JAZF1: variants seen among roughly 807,000 people sequenced by gnomAD.
JAZF1 encodes juxtaposed with another zinc finger protein 1.
JAZF1 carries 8 observed loss-of-function variants against 26.4 expected under a neutral mutation model. The ratio of observed to expected loss-of-function variants is 0.30; its 90% confidence interval spans 0.18 to 0.55. The LOEUF (loss-of-function observed/expected upper bound fraction) is 0.55. Among genes scored for constraint, JAZF1 ranks in the 20% least tolerant of loss-of-function variants. JAZF1 has a pLI of 0.94. For synonymous variants in JAZF1, 126 were observed against 122.3 expected, an observed-to-expected ratio of 1.03 and a Z score of -0.20; for missense variants, 199 against 322.0, an observed-to-expected ratio of 0.62 and a Z score of 2.92.
At chr7:28,112,748 G>A (rs993876750) in intron 1 of JAZF1, among the ~76,000 whole-genome samples, 1 of 152,186 alleles carries the variant, frequency 6.6e-6, no homozygotes, top group Non-Finnish European at 1.5e-5. Context: ...TGGGAGGCAG[G>A]GGAGGAAGGG....
chr7:28,056,452 ACACACACACACACACACACACAC>A (rs1159030820), intron 1 of JAZF1, among the ~76,000 whole-genome samples: 4 of 145,108 alleles, frequency 2.8e-5, no homozygotes, highest in Non-Finnish European at 6.1e-5. Context: ...ACACACACAC[ACACACACACACACACACACACAC>A]AATAAGAAAG....
intron 1 of JAZF1, among the ~76,000 whole-genome samples, chr7:28,095,126 C>T (rs1009086524): frequency 1.3e-5 from 2 of 152,140 alleles, no homozygotes; most frequent in African/African-American, 4.8e-5. Context: ...CATCTTATTC[C>T]CACAAGTCTT....
intron 1 of JAZF1, among the ~76,000 whole-genome samples, chr7:28,135,033 T>C (rs1782858413): frequency 6.6e-6 from 1 of 152,366 alleles, no homozygotes; most frequent in African/African-American, 2.4e-5. Context: ...CTATCCTGTT[T>C]GCAGTAGCAA....
intron 1 of JAZF1, among the ~76,000 whole-genome samples, chr7:28,108,611 C>G (rs546571006): frequency 6.6e-6 from 1 of 152,258 alleles, no homozygotes; most frequent in East Asian, 1.9e-4. Flanking sequence ...GGAATGTAAA[C>G]TGGTATAGCC....
At chr7:28,062,886 T>A (rs1783823047) in intron 1 of JAZF1, among the ~76,000 whole-genome samples, 1 of 152,246 alleles carries the variant, frequency 6.6e-6, no homozygotes, top group Non-Finnish European at 1.5e-5. Flanking sequence ...AATTCTCATT[T>A]CTGAATTCAT....
At chr7:27,892,939 T>C (rs1408016909) in intron 3 of JAZF1, among the ~76,000 whole-genome samples, 2 of 152,224 alleles carry the variant, frequency 1.3e-5, no homozygotes, top group African/African-American at 4.8e-5. Flanking sequence ...ATTAGTGACT[T>C]GCCCAAGGTG....
rs113748288 is a variant in JAZF1, at chr7:28,093,491, A to G, written c.115+86972T>C. On this transcript the variant is annotated intron_variant, in intron 1 of 4. Transcript: ENST00000283928. ...ATCAGCAGCGTTATCAGCAGCGTGA[A>G]AACAGACTACTACAATGTTGCAGAC... Among the ~76,000 whole-genome samples, 1,044 of 152,346 alleles carry G rather than the reference A, an allele frequency of 6.9e-3. 12 individuals are homozygous for G. The highest frequency in any genetic ancestry group is 0.024 in the African/African-American group (1,000 of 41,584).
At chr7:27,893,125 T>C (rs913783304) in intron 3 of JAZF1, among the ~76,000 whole-genome samples, 1 of 152,196 alleles carries the variant, frequency 6.6e-6, no homozygotes, top group African/African-American at 2.4e-5. Flanking sequence ...TTGGGAAATT[T>C]ACTAAATCCT....
At chr7:28,115,991 A>T (rs921615913) in intron 1 of JAZF1, among the ~76,000 whole-genome samples, 3 of 152,210 alleles carry the variant, frequency 2.0e-5, no homozygotes, top group African/African-American at 7.2e-5. Context: ...TGCTCTCTTT[A>T]AAATGCTGCA....
rs560786490 is a variant in JAZF1 at position 27,895,882 on chromosome 7, C to CT, written c.189-467dup. ...TCTAACATAAATGGCCTCATGAAAA[C>CT]TTTTTTTTTTAAATTTTTTGGTATT... is the stretch of plus-strand genomic sequence containing the variant. On this transcript the variant is annotated intron_variant, in intron 2 of 4. Transcript: ENST00000283928. Among the ~76,000 whole-genome samples the CT allele has an allele frequency of 9.8e-3, 1,472 of 150,496 alleles. 21 individuals are homozygous for CT. Among genetic ancestry groups the CT allele is most frequent in the African/African-American group, 0.033 (1,360 of 41,088 alleles).
chr7:28,103,233 A>T (rs1161288729), intron 1 of JAZF1, among the ~76,000 whole-genome samples: 2 of 151,966 alleles, frequency 1.3e-5, no homozygotes, highest in Non-Finnish European at 2.9e-5. Flanking sequence ...CCAAATGCCT[A>T]TCTTCAGTCC....
chr7:28,085,303 T>C (rs1784197148), intron 1 of JAZF1, among the ~76,000 whole-genome samples: 1 of 152,218 alleles, frequency 6.6e-6, no homozygotes, highest in South Asian at 2.1e-4. Context: ...TTCTGATATG[T>C]ACCATACCAT....
rs1346429475 is a variant in JAZF1, at chr7:28,087,439, TC to T, written c.115+93023del. On this transcript the variant is annotated intron_variant, in intron 1 of 4. Transcript: ENST00000283928. ...TTTGTCTAGGTGGTTTGGGGAATTT[TC>T]CTTTTTGTTTACTTCATTTTTGATA... Among the ~76,000 whole-genome samples, 5 of 152,320 alleles carry T rather than the reference TC, an allele frequency of 3.3e-5. No homozygotes were observed. In the East Asian group the frequency reaches 5.8e-4, roughly 18 times the overall value.
rs187760322 is a variant in JAZF1, at chr7:28,048,682, G to C, written c.116-56701C>G. Among the ~76,000 whole-genome samples the C allele has an allele frequency of 4.3e-3, 656 of 152,210 alleles. 16 individuals carry two copies. Among genetic ancestry groups the C allele is most frequent in the Non-Finnish European group, 5.9e-4 (40 of 67,992 alleles). ...CTTTCACTGAAGAGTTGTAAAAAATGCTCACACAAAACCTTGTAAATGAAT... is the reference window on the plus strand; with the variant it reads ...CTTTCACTGAAGAGTTGTAAAAAATCCTCACACAAAACCTTGTAAATGAAT... On this transcript the variant is annotated intron_variant, in intron 1 of 4. Transcript: ENST00000283928.
intron 2 of JAZF1, among the ~76,000 whole-genome samples, chr7:27,954,695 C>T (rs1785058371): frequency 6.6e-6 from 1 of 152,184 alleles, no homozygotes; most frequent in South Asian, 2.1e-4. Context: ...CAGCATGTCA[C>T]TCCAATCTGT....
Position 28,110,598 on chromosome 7 carries a change from AAAAGGAAAAGG to A in JAZF1, c.115+69854_115+69864del, listed in dbSNP as rs1459242351. On this transcript the variant is annotated intron_variant, in intron 1 of 4. Coordinates refer to ENST00000283928, the MANE Select transcript of JAZF1 (RefSeq NM_175061.4). The stretch of plus-strand genomic sequence containing the variant: ...GAAAGGGAAAAGGAAAAGGAAAAGG[AAAAGGAAAAGG>A]AAAGGAAAAGGAAAGGAAAGGAAAG... Among the ~76,000 whole-genome samples, 17 of 109,762 alleles carry A rather than the reference AAAAGGAAAAGG, an allele frequency of 1.5e-4. 3 individuals carry two copies. The highest frequency in any genetic ancestry group is 3.7e-4 in the South Asian group (1 of 2,734). 72.0% of individuals were successfully genotyped at this position (109,762 alleles called of 152,430 possible). A position where few individuals can be genotyped will look rare whatever the true frequency, so the allele number is the denominator to read the frequency against.
chr7:28,032,246 T>G (rs1167334234), intron 1 of JAZF1, among the ~76,000 whole-genome samples: 1 of 152,216 alleles, frequency 6.6e-6, no homozygotes, highest in Non-Finnish European at 1.5e-5. Flanking sequence ...AAGGGAACTG[T>G]GAAATCTGCA....
intron 4 of JAZF1, among the ~76,000 whole-genome samples, chr7:27,837,374 T>C (rs983426738): frequency 6.6e-6 from 1 of 152,202 alleles, no homozygotes; most frequent in Non-Finnish European, 1.5e-5. Flanking sequence ...CTGGGAAGGA[T>C]ACAAAGGAAA....
chr7:27,967,163 GGAAA>G (rs1056198360), intron 2 of JAZF1, among the ~76,000 whole-genome samples: 5 of 152,208 alleles, frequency 3.3e-5, no homozygotes, highest in African/African-American at 1.2e-4. Context: ...TTGAGGTGGG[GGAAA>G]GAAATTCAAC....
Sources: allele counts gnomAD v4.1 joint callset (sites outside exome capture counted in the v4.1 genomes callset), GRCh38; gene constraint gnomAD v4.1.1; transcripts MANE v1.5; gene names NCBI Gene and HGNC (gene_info 2026-07-23, HGNC 2026-07-21).